The following INIP variants were observed in gnomAD, a reference collection of about 807,000 sequenced individuals.
INIP encodes the protein SOSS complex subunit C.
A neutral mutation model predicts 14.0 loss-of-function variants in INIP; 9 were observed. That is an observed-to-expected ratio of 0.64 (90% CI 0.39 to 1.12). INIP has a LOEUF of 1.12. INIP is among the 50% of genes most tolerant of loss of function. INIP has a pLI of 0.01. For missense variants in INIP, 78 were observed against 122.7 expected (o/e 0.64, Z 1.72); for synonymous variants, 37 against 41.5 (o/e 0.89, Z 0.41).
At chr9:112,702,085 C>T (rs1346403398) in intron 2 of INIP, among the ~76,000 whole-genome samples, 3 of 152,010 alleles carry the variant, frequency 2.0e-5, no homozygotes, top group East Asian at 3.9e-4. Flanking sequence ...TACACATACA[C>T]ACACACACAC....
intron 2 of INIP, among the ~76,000 whole-genome samples, chr9:112,699,448 A>G (rs1253566283): frequency 1.3e-5 from 2 of 152,234 alleles, no homozygotes; most frequent in African/African-American, 4.8e-5. Context: ...AGGCCAAGGT[A>G]GTACAATAAG....
Position 112,694,115 on chromosome 9 carries a change from A to G in INIP, c.128+16T>C, listed in dbSNP as rs985473563. On this transcript the variant is annotated intron_variant, in intron 3 of 4. Transcript: ENST00000374242. ...AAAACAAAACAAACAAAAAACCCAC[A>G]TTATAGTGTCAATACCTAGCTCCAG... is the stretch of plus-strand genomic sequence containing the variant. 1 of 1,478,488 alleles carries G rather than the reference A, an allele frequency of 6.8e-7. No individual in the cohort carries two copies. The highest frequency in any genetic ancestry group is 1.4e-5 in the African/African-American group (1 of 70,840). 91.6% of individuals were successfully genotyped at this position (1,478,488 alleles called of 1,614,324 possible).
chr9:112,691,204 T>A (rs1711744), intron 3 of INIP, among the ~76,000 whole-genome samples: 24,170 of 151,738 alleles, frequency 0.16, 2,559 homozygotes, highest in African/African-American at 0.3. Flanking sequence ...AAGGAAATGG[T>A]CAGATGTGAG....
rs575780089 is a variant in INIP at position 112,699,803 on chromosome 9, T to TC, written c.26-5571dup. ...GTTGAATGTACCTTTCCACTTGGTA[T>TC]CAATGACTTGGTCAGCTATGTGAAT... On this transcript the variant is annotated intron_variant, in intron 2 of 4. Transcript: ENST00000374242. Among the ~76,000 whole-genome samples the TC allele has an allele frequency of 2.7e-3, 408 of 152,248 alleles. 1 individual carries two copies. The highest frequency in any genetic ancestry group is 4.3e-3 in the Non-Finnish European group (295 of 68,040).
intron 2 of INIP, among the ~76,000 whole-genome samples, chr9:112,703,399 T>C (rs1216054984): frequency 2.0e-5 from 3 of 152,228 alleles, no homozygotes; most frequent in Non-Finnish European, 4.4e-5. Flanking sequence ...GAACAGATTT[T>C]GGTCTCTAAT....
chr9:112,703,353 C>T (rs1468226667), intron 2 of INIP, among the ~76,000 whole-genome samples: 1 of 152,156 alleles, frequency 6.6e-6, no homozygotes, highest in African/African-American at 2.4e-5. Context: ...CAGTGGCCAG[C>T]AAAAATGCCT....
At chr9:112,696,035 G>A (rs894426723) in intron 2 of INIP, among the ~76,000 whole-genome samples, 1 of 151,922 alleles carries the variant, frequency 6.6e-6, no homozygotes. Flanking sequence ...CTACAGGTGT[G>A]AGCCAGCATG....
intron 2 of INIP, among the ~76,000 whole-genome samples, chr9:112,701,477 G>C (rs913407290): frequency 1.2e-4 from 19 of 152,230 alleles, no homozygotes; most frequent in African/African-American, 4.3e-4. Flanking sequence ...TTATACAACA[G>C]ACGTTTCCCT....
In INIP at chr9:112,716,447, C is replaced by T; in HGVS notation, c.25+14G>A. The T allele has an allele frequency of 6.2e-7, 1 of 1,611,598 alleles. No homozygotes were observed. The highest frequency in any genetic ancestry group is 8.5e-7 in the Non-Finnish European group (1 of 1,177,892). On this transcript the variant is annotated intron_variant, in intron 2 of 4. Coordinates refer to ENST00000374242, the MANE Select transcript of INIP (RefSeq NM_021218.3). Reference sequence around the variant, plus strand: ...GGGAAATGTTCATAGTAAAGAAATTCCTGCTGTCATTACCTTGTCCTGAAG... The same window carrying T: ...GGGAAATGTTCATAGTAAAGAAATTTCTGCTGTCATTACCTTGTCCTGAAG...
At chr9:112,688,603 T>C (rs1837768708) in intron 4 of INIP, among the ~76,000 whole-genome samples, 1 of 151,950 alleles carries the variant, frequency 6.6e-6, no homozygotes, top group South Asian at 2.1e-4. Flanking sequence ...GGAGGATCAT[T>C]TGAGGCCAGG....
chr9:112,711,473 T>G (rs1838646331), intron 2 of INIP, among the ~76,000 whole-genome samples: 1 of 152,316 alleles, frequency 6.6e-6, no homozygotes, highest in South Asian at 2.1e-4. Flanking sequence ...ACGAAAAAAG[T>G]AACCAGCATA....
intron 3 of INIP, among the ~76,000 whole-genome samples, chr9:112,692,625 A>C (rs1837929956): frequency 6.6e-6 from 1 of 152,084 alleles, no homozygotes; most frequent in African/African-American, 2.4e-5. Flanking sequence ...GCAGAGACTG[A>C]ATACCTATAA....
intron 2 of INIP, among the ~76,000 whole-genome samples, chr9:112,703,253 G>A (rs1838354743): frequency 6.6e-6 from 1 of 152,110 alleles, no homozygotes; most frequent in Non-Finnish European, 1.5e-5. Flanking sequence ...AAGAAAAATG[G>A]TGAGATAGAA....
Position 112,687,442 on chromosome 9 carries a change from A to C in INIP, c.*96T>G. The C allele has an allele frequency of 1.4e-6, 1 of 709,114 alleles. No homozygotes were observed. Among genetic ancestry groups the C allele is most frequent in the Non-Finnish European group, 2.4e-6 (1 of 412,872 alleles). 43.9% of individuals were successfully genotyped at this position (709,114 alleles called of 1,614,324 possible). On this transcript the variant is annotated 3_prime_UTR_variant, in exon 5 of 5. Transcript: ENST00000374242. ...AGACAAACAAAAAATATCAAAGTTC[A>C]CCAAAATTCTTAAAGTCACAGTTCA...
At chr9:112,687,881 C>G (rs147815520) in intron 4 of INIP, among the ~76,000 whole-genome samples, 3 of 151,928 alleles carry the variant, frequency 2.0e-5, no homozygotes, top group Non-Finnish European at 2.9e-5. Context: ...GTCAGGAGAT[C>G]GAGACCATCC....
At chr9:112,711,975 C>G (rs1349025319) in intron 2 of INIP, among the ~76,000 whole-genome samples, 1 of 152,170 alleles carries the variant, frequency 6.6e-6, no homozygotes, top group Non-Finnish European at 1.5e-5. Flanking sequence ...GCACTGGAGT[C>G]TGACCAGTAT....
chr9:112,697,288 C>CA (rs1257370109), intron 2 of INIP, among the ~76,000 whole-genome samples: 11 of 152,306 alleles, frequency 7.2e-5, no homozygotes, highest in African/African-American at 2.6e-4. Context: ...GTGGGAGGAC[C>CA]ACTTGAGGCC....
chr9:112,695,776 AGGAGGG>A (rs1349267687), intron 2 of INIP, among the ~76,000 whole-genome samples: 2,708 of 112,410 alleles, frequency 0.024, 84 homozygotes, highest in East Asian at 0.17. Flanking sequence ...AAGGGAGAGG[AGGAGGG>A]GGAGGGGGAG....
chr9:112,716,973 A>G (rs1029512453), intron 1 of INIP, among the ~76,000 whole-genome samples: 4 of 152,056 alleles, frequency 2.6e-5, no homozygotes, highest in Admixed American at 6.6e-5. Flanking sequence ...AAAAAAAAAA[A>G]AAAAGAAAAG....
Sources: allele counts gnomAD v4.1 joint callset (sites outside exome capture counted in the v4.1 genomes callset), GRCh38; gene constraint gnomAD v4.1.1; transcripts MANE v1.5; gene names NCBI Gene and HGNC (gene_info 2026-07-23, HGNC 2026-07-21).